The following DENND1A variants were observed in gnomAD, a reference collection of about 807,000 sequenced individuals.
DENND1A encodes the protein DENN domain containing 1A, also known as DENN domain-containing protein 1A.
In DENND1A, 51 loss-of-function variants were observed where a neutral mutation model predicts 113.7. The observed-to-expected ratio is 0.45, with a 90% CI of 0.36 to 0.57. DENND1A has a LOEUF of 0.57. Among genes scored for constraint, DENND1A ranks in the 20% least tolerant of loss-of-function variants. The probability of loss-of-function intolerance (pLI) is 0.00; values close to 1 mark genes in which losing one functional copy is unlikely to be tolerated. For missense variants in DENND1A, 1,258 were observed against 1,395.9 expected, an observed-to-expected ratio of 0.90 and a Z score of 1.57; for synonymous variants, 565 against 570.8, an observed-to-expected ratio of 0.99 and a Z score of 0.14.
In DENND1A at chr9:123,806,534, G is replaced by A. The variant is rs187822567; in HGVS notation, c.89-13904C>T. Among the ~76,000 whole-genome samples the A allele has an allele frequency of 2.4e-3, 363 of 152,316 alleles. 1 individual carries two copies. The highest frequency in any genetic ancestry group is 4.5e-3 in the Non-Finnish European group (304 of 68,022). On this transcript the variant is annotated intron_variant, in intron 2 of 23. Coordinates refer to ENST00000394215, the MANE Select transcript of DENND1A (RefSeq NM_001352964.2). ...GGTCTCCCAAAGTGCTGGGATTACA[G>A]GTGTGAGCCACCGTGCCCAGCCCTG... is the stretch of plus-strand genomic sequence containing the variant.
At chr9:123,916,872 C>CA (rs1391682463) in intron 1 of DENND1A, among the ~76,000 whole-genome samples, 1 of 151,852 alleles carries the variant, frequency 6.6e-6, no homozygotes, top group Non-Finnish European at 1.5e-5. Flanking sequence ...GTAATTCCAA[C>CA]AGATTAAAAG....
chr9:123,600,488 C>T (rs532081534), intron 11 of DENND1A, among the ~76,000 whole-genome samples: 4 of 152,166 alleles, frequency 2.6e-5, no homozygotes, highest in Non-Finnish European at 4.4e-5. Context: ...AGAAATTACA[C>T]GGCCAAAGTG....
At chr9:123,640,167 A>G (rs888258540) in intron 9 of DENND1A, among the ~76,000 whole-genome samples, 2 of 152,252 alleles carry the variant, frequency 1.3e-5, no homozygotes, top group Non-Finnish European at 2.9e-5. Flanking sequence ...GAGAAAGATC[A>G]AAATGCAAAC....
intron 2 of DENND1A, among the ~76,000 whole-genome samples, chr9:123,846,108 G>A (rs1453026922): frequency 6.6e-6 from 1 of 152,090 alleles, no homozygotes; most frequent in Admixed American, 6.6e-5. Context: ...ATATAATTAG[G>A]CATTAGAGAA....
At chr9:123,914,091 T>C (rs1854606053) in intron 1 of DENND1A, among the ~76,000 whole-genome samples, 1 of 151,760 alleles carries the variant, frequency 6.6e-6, no homozygotes, top group African/African-American at 2.4e-5. Flanking sequence ...AGAACCTTAG[T>C]TCTTAAGGAT....
chr9:123,571,138 T>C (rs1194518194), intron 12 of DENND1A, among the ~76,000 whole-genome samples: 1 of 152,156 alleles, frequency 6.6e-6, no homozygotes. Context: ...GAGACTAAAT[T>C]GTCTAGGCAT....
chr9:123,536,085 G>A (rs765561938), intron 13 of DENND1A, among the ~76,000 whole-genome samples: 2 of 152,112 alleles, frequency 1.3e-5, no homozygotes, highest in Non-Finnish European at 2.9e-5. Flanking sequence ...ACAAAACCAG[G>A]TGAACAATGA....
At chr9:123,388,851 C>T (rs376131218) in intron 21 of DENND1A, among the ~76,000 whole-genome samples, 5 of 152,334 alleles carry the variant, frequency 3.3e-5, no homozygotes, top group African/African-American at 9.6e-5. Context: ...GTGCACCCCA[C>T]CAAGAGGCAC....
rs561441108 is a variant in DENND1A, at chr9:123,770,960, G to A, written c.133-1397C>T. ...GACTTGCTCTGCCAGAGCATGTTCC[G>A]CCTACATAATTCAATTGAGCATATC... On this transcript the variant is annotated intron_variant, in intron 3 of 23. Coordinates refer to ENST00000394215, the MANE Select transcript of DENND1A (RefSeq NM_001352964.2). Among the ~76,000 whole-genome samples, 62 of 152,182 alleles carry A rather than the reference G, an allele frequency of 4.1e-4. No individual in the cohort carries two copies. In the South Asian group the frequency reaches 6.2e-3, roughly 15 times the overall value.
At position 123,457,295 on chromosome 9, in the gene DENND1A, G is replaced by A. The variant is rs2048195909; in HGVS notation, c.1186+53C>T. ...GTCACTGCCACTCCTTGTCAAATAT[G>A]CCCTAAATGATAGCAGCCTGCAGCC... On this transcript the variant is annotated intron_variant, in intron 15 of 23. Transcript: ENST00000394215. 36 of 1,364,226 alleles carry A rather than the reference G, an allele frequency of 2.6e-5. No homozygotes were observed. In the South Asian group the frequency reaches 3.8e-4, roughly 15 times the overall value. 84.5% of individuals were successfully genotyped at this position (1,364,226 alleles called of 1,614,324 possible). A position where few individuals can be genotyped will look rare whatever the true frequency, so the allele number is the denominator to read the frequency against.
chr9:123,761,505 C>T (rs1250844227), intron 4 of DENND1A, among the ~76,000 whole-genome samples: 1 of 152,174 alleles, frequency 6.6e-6, no homozygotes, highest in South Asian at 2.1e-4. Context: ...TTTCTTTTCT[C>T]TCTTGCCTGT....
intron 2 of DENND1A, among the ~76,000 whole-genome samples, chr9:123,822,060 C>G (rs1179787955): frequency 6.6e-6 from 1 of 152,218 alleles, no homozygotes. Flanking sequence ...ACAATCATAA[C>G]TATTATTGTC....
chr9:123,675,857 C>A (rs1395576344), intron 6 of DENND1A, among the ~76,000 whole-genome samples: 1 of 152,166 alleles, frequency 6.6e-6, no homozygotes, highest in Non-Finnish European at 1.5e-5. Context: ...ACTGATCTTA[C>A]AGTGGCCCAT....
intron 2 of DENND1A, among the ~76,000 whole-genome samples, chr9:123,848,180 G>A (rs1053152914): frequency 6.7e-5 from 8 of 119,890 alleles, no homozygotes; most frequent in African/African-American, 2.6e-4. Context: ...AGAAACTGTT[G>A]ATTTGTATGG....
At chr9:123,632,367 G>T (rs1330596186) in intron 9 of DENND1A, among the ~76,000 whole-genome samples, 1 of 152,132 alleles carries the variant, frequency 6.6e-6, no homozygotes, top group Non-Finnish European at 1.5e-5. Flanking sequence ...ATAAAGGAGG[G>T]TGATATAGAT....
chr9:123,511,846 G>A (rs2053487240), intron 13 of DENND1A, among the ~76,000 whole-genome samples: 1 of 152,220 alleles, frequency 6.6e-6, no homozygotes, highest in Non-Finnish European at 1.5e-5. Flanking sequence ...TTGGCTGGGG[G>A]TTGCAGGGAT....
intron 21 of DENND1A, chr9:123,402,470 C>T: frequency 1.9e-6 from 1 of 534,464 alleles, no homozygotes; most frequent in South Asian, 1.4e-5. Flanking sequence ...CTGCCATGTC[C>T]CTTACCTTCT....
At chr9:123,489,029 T>C (rs2051132083) in intron 13 of DENND1A, among the ~76,000 whole-genome samples, 1 of 152,178 alleles carries the variant, frequency 6.6e-6, no homozygotes, top group Non-Finnish European at 1.5e-5. Flanking sequence ...ATTTCCCCTC[T>C]GCCCTATGCC....
rs1320985563 is a variant in DENND1A, at chr9:123,630,417, C to G, written c.678G>C (p.Val226=). Residue 226 remains valine, a synonymous_variant, in exon 10 of 24, where the codon GTG becomes GTC. Coordinates refer to ENST00000394215, the MANE Select transcript of DENND1A (RefSeq NM_001352964.2). ...AMLYPMYWQH[V]YIPVLPPHLL... is the part of the protein sequence containing the mutation. ...GATGCGGCGGCAGCACGGGGATGTA[C>G]ACGTGCTGCCAGTACATGGGGTAGA... The G allele has an allele frequency of 6.2e-7, 1 of 1,604,102 alleles. No homozygotes were observed. The highest frequency in any genetic ancestry group is 8.5e-7 in the Non-Finnish European group (1 of 1,175,006).
Sources: allele counts gnomAD v4.1 joint callset (sites outside exome capture counted in the v4.1 genomes callset), GRCh38; gene constraint gnomAD v4.1.1; transcripts MANE v1.5; gene names NCBI Gene and HGNC (gene_info 2026-07-23, HGNC 2026-07-21).